The following KIAA1217 variants were observed in gnomAD, a reference collection of about 807,000 sequenced individuals.
The protein encoded by KIAA1217 is sickle tail protein homolog.
Under a neutral mutation model 163.9 loss-of-function variants are expected in KIAA1217, and 88 were observed. The observed-to-expected ratio is 0.54, with a 90% confidence interval of 0.45 to 0.64. The LOEUF (loss-of-function observed/expected upper bound fraction) is 0.64, where lower values mean the gene tolerates loss of function less well. KIAA1217 is among the 30% of genes least tolerant of loss of function. The pLI is 0.00. For synonymous variants in KIAA1217, 903 were observed against 923.1 expected (o/e 0.98, Z 0.39); for missense variants, 2,372 against 2,475.0 (o/e 0.96, Z 0.88).
intron 14 of KIAA1217, among the ~76,000 whole-genome samples, chr10:24,531,268 G>A (rs2073077658): frequency 6.6e-6 from 1 of 151,984 alleles, no homozygotes; most frequent in Non-Finnish European, 1.5e-5. Context: ...CTCCAACTTT[G>A]TTCTTTGTTC....
chr10:23,847,257 G>T (rs1033183481), intron 1 of KIAA1217, among the ~76,000 whole-genome samples: 9 of 152,150 alleles, frequency 5.9e-5, no homozygotes, highest in Non-Finnish European at 7.4e-5. Context: ...CATAAAATGA[G>T]TTAGGGAGGA....
At chr10:24,384,207 A>G (rs547521804) in intron 3 of KIAA1217, among the ~76,000 whole-genome samples, 6 of 152,228 alleles carry the variant, frequency 3.9e-5, no homozygotes, top group African/African-American at 1.4e-4. Context: ...CTTTATCTCA[A>G]TCCATAGAGT....
intron 2 of KIAA1217, among the ~76,000 whole-genome samples, chr10:24,251,856 TAAAAAAAAAAA>T (rs34540873): frequency 1.7e-5 from 2 of 119,742 alleles, no homozygotes; most frequent in African/African-American, 3.2e-5. Flanking sequence ...CTGCATCTGT[TAAAAAAAAAAA>T]AAAAAAAAAA....
At chr10:24,424,127 T>C (rs1456252584) in intron 3 of KIAA1217, among the ~76,000 whole-genome samples, 1 of 152,216 alleles carries the variant, frequency 6.6e-6, no homozygotes, top group African/African-American at 2.4e-5. Flanking sequence ...TATTATCTTT[T>C]TCTTCTTTGC....
At chr10:24,264,545 A>G (rs780857465) in intron 2 of KIAA1217, among the ~76,000 whole-genome samples, 3 of 152,210 alleles carry the variant, frequency 2.0e-5, no homozygotes, top group Admixed American at 6.5e-5. Context: ...TGCACAGAAC[A>G]TTCCAGGAAA....
chr10:23,917,892 T>C (rs1269186205), intron 1 of KIAA1217, among the ~76,000 whole-genome samples: 1 of 152,236 alleles, frequency 6.6e-6, no homozygotes, highest in African/African-American at 2.4e-5. Flanking sequence ...GCTTTAGGGT[T>C]TGTGGGATGT....
At chr10:23,714,764 G>T (rs981796406) in intron 1 of KIAA1217, among the ~76,000 whole-genome samples, 1 of 152,104 alleles carries the variant, frequency 6.6e-6, no homozygotes, top group Non-Finnish European at 1.5e-5. Flanking sequence ...AAACCAAAGG[G>T]TAGGGCAAAC....
At chr10:24,236,146 G>C (rs1213577552) in intron 2 of KIAA1217, among the ~76,000 whole-genome samples, 1 of 147,830 alleles carries the variant, frequency 6.8e-6, no homozygotes, top group Non-Finnish European at 1.5e-5. Flanking sequence ...GATAAGGGTT[G>C]GTTATTTGAA....
At chr10:23,792,532 T>A (rs975299110) in intron 1 of KIAA1217, among the ~76,000 whole-genome samples, 5 of 151,716 alleles carry the variant, frequency 3.3e-5, no homozygotes, top group African/African-American at 1.2e-4. Context: ...CGCTCTGTCA[T>A]CCCAGGCTGG....
At chr10:24,347,023 G>T (rs2047878793) in intron 2 of KIAA1217, among the ~76,000 whole-genome samples, 1 of 152,120 alleles carries the variant, frequency 6.6e-6, no homozygotes, top group Admixed American at 6.5e-5. Context: ...GAGTGTTAAG[G>T]TATATAAGAG....
intron 2 of KIAA1217, among the ~76,000 whole-genome samples, chr10:24,297,173 G>T (rs2040722492): frequency 6.6e-6 from 1 of 152,226 alleles, no homozygotes; most frequent in South Asian, 2.1e-4. Context: ...ATGGCATATT[G>T]TGAAAATTTT....
chr10:23,781,394 T>A (rs1480804373), intron 1 of KIAA1217, among the ~76,000 whole-genome samples: 2 of 152,234 alleles, frequency 1.3e-5, no homozygotes, highest in African/African-American at 4.8e-5. Flanking sequence ...ACATCTCTGT[T>A]GGCCATTTTT....
intron 3 of KIAA1217, among the ~76,000 whole-genome samples, chr10:24,415,812 GAGA>G (rs1395157239): frequency 6.6e-6 from 1 of 152,228 alleles, no homozygotes; most frequent in East Asian, 1.9e-4. Flanking sequence ...CCAGGGCTGA[GAGA>G]AGGACATTCC....
chr10:24,294,053 G>A (rs757555343), intron 2 of KIAA1217, among the ~76,000 whole-genome samples: 3 of 151,882 alleles, frequency 2.0e-5, no homozygotes, highest in African/African-American at 4.8e-5. Flanking sequence ...ATAGCCGGGC[G>A]TGGTGGCAGG....
intron 2 of KIAA1217, among the ~76,000 whole-genome samples, chr10:24,228,306 G>A (rs935991761): frequency 6.6e-6 from 1 of 151,902 alleles, no homozygotes; most frequent in Admixed American, 6.6e-5. Flanking sequence ...TCATAAGAAA[G>A]CTGCAAAGAG....
At chr10:23,943,461 GATAA>G (rs1220075121) in intron 1 of KIAA1217, among the ~76,000 whole-genome samples, 1 of 152,134 alleles carries the variant, frequency 6.6e-6, no homozygotes, top group Non-Finnish European at 1.5e-5. Context: ...TTTCTGATAG[GATAA>G]ATAGATGATC....
intron 5 of KIAA1217, chr10:24,466,694 T>C (rs16924796): frequency 1.0e-6 from 1 of 985,188 alleles, no homozygotes; most frequent in Non-Finnish European, 1.2e-6. Flanking sequence ...ACCAAGGATT[T>C]AGATGAAGCC....
chr10:23,784,834 TG>T (rs1835418350), intron 1 of KIAA1217, among the ~76,000 whole-genome samples: 1 of 152,212 alleles, frequency 6.6e-6, no homozygotes. Flanking sequence ...AGTTACTTTT[TG>T]TCTGTGACCA....
chr10:24,075,897 C>G (rs1026091531), intron 2 of KIAA1217, among the ~76,000 whole-genome samples: 2 of 152,174 alleles, frequency 1.3e-5, no homozygotes, highest in African/African-American at 4.8e-5. Context: ...AGCCACGACT[C>G]CCAGCCTTAA....
Sources: gnomAD v4.1 joint callset for allele counts (sites outside exome capture counted in the v4.1 genomes callset) on GRCh38, gnomAD v4.1.1 for gene constraint, MANE v1.5 for transcripts, NCBI Gene and HGNC (gene_info 2026-07-23, HGNC 2026-07-21) for gene names.